The following SRD5A2 variants were observed in gnomAD, a reference collection of about 807,000 sequenced individuals.
SRD5A2 encodes the protein steroid 5 alpha-reductase 2.
SRD5A2 carries 30 observed loss-of-function variants against 27.4 expected under a neutral mutation model. That is an observed-to-expected ratio of 1.10 (90% CI 0.82 to 1.49). The LOEUF (loss-of-function observed/expected upper bound fraction) is 1.49. Ranked by LOEUF, SRD5A2 falls within the 40% of genes most tolerant of loss-of-function variation. The probability of loss-of-function intolerance (pLI) is 0.00; values close to 1 mark genes in which losing one functional copy is unlikely to be tolerated. For missense variants in SRD5A2, 348 were observed against 323.4 expected (o/e 1.08, Z -0.58); for synonymous variants, 141 against 133.6 (o/e 1.06, Z -0.38).
chr2:31,662,440 T>C, the SRD5A2 span, among the ~76,000 whole-genome samples: 1 of 152,066 alleles, frequency 6.6e-6, no homozygotes, highest in Non-Finnish European at 1.5e-5. Context: ...CACCTCAGCT[T>C]CCTGACTAGC....
At chr2:31,642,657 C>T in the SRD5A2 span, among the ~76,000 whole-genome samples, 3 of 152,036 alleles carry the variant, frequency 2.0e-5, no homozygotes, top group Admixed American at 6.5e-5. Flanking sequence ...AACAATTCAA[C>T]GCCAAGGTAT....
chr2:31,575,687 C>T (rs143948830), intron 1 of SRD5A2, among the ~76,000 whole-genome samples: 24 of 152,250 alleles, frequency 1.6e-4, no homozygotes, highest in Non-Finnish European at 2.6e-4. Flanking sequence ...AATATCTCTC[C>T]GAATTCAAAC....
At chr2:31,615,073 C>A in the SRD5A2 span, among the ~76,000 whole-genome samples, 140 of 152,162 alleles carry the variant, frequency 9.2e-4, 1 homozygote, top group African/African-American at 3.3e-3. Context: ...TCCCCAGCCA[C>A]GTGGAACTGT....
the SRD5A2 span, among the ~76,000 whole-genome samples, chr2:31,605,118 G>C: frequency 1.3e-5 from 2 of 151,696 alleles, no homozygotes; most frequent in South Asian, 2.1e-4. Context: ...AATAAAACTA[G>C]ATCCCTATCT....
chr2:31,560,630 C>A (rs756815772), intron 1 of SRD5A2, among the ~76,000 whole-genome samples: 2 of 152,156 alleles, frequency 1.3e-5, no homozygotes, highest in Non-Finnish European at 2.9e-5. Flanking sequence ...CTTCCTTTCT[C>A]CTTTCCCAGC....
chr2:31,543,707 T>A (rs1666185624), intron 1 of SRD5A2, among the ~76,000 whole-genome samples: 1 of 152,120 alleles, frequency 6.6e-6, no homozygotes, highest in African/African-American at 2.4e-5. Context: ...ATGTTATAAA[T>A]TTAGGATGTT....
the SRD5A2 span, among the ~76,000 whole-genome samples, chr2:31,598,725 C>T: frequency 6.6e-6 from 1 of 151,412 alleles, no homozygotes; most frequent in Non-Finnish European, 1.5e-5. Context: ...GAAAATGATC[C>T]TTACTAAAGG....
chr2:31,561,838 A>G (rs1666630529), intron 1 of SRD5A2, among the ~76,000 whole-genome samples: 1 of 152,172 alleles, frequency 6.6e-6, no homozygotes, highest in African/African-American at 2.4e-5. Flanking sequence ...ATCAAAGAGA[A>G]TCAGATCAAC....
At chr2:31,661,470 G>A in the SRD5A2 span, among the ~76,000 whole-genome samples, 1 of 152,262 alleles carries the variant, frequency 6.6e-6, no homozygotes, top group Non-Finnish European at 1.5e-5. Flanking sequence ...TACACAAGGA[G>A]ACACTCTATC....
the SRD5A2 span, among the ~76,000 whole-genome samples, chr2:31,654,119 A>T: frequency 6.6e-6 from 1 of 152,168 alleles, no homozygotes; most frequent in Admixed American, 6.5e-5. Flanking sequence ...CATAGTTCAT[A>T]ATGTGCCAGC....
At chr2:31,649,313 T>C in the SRD5A2 span, among the ~76,000 whole-genome samples, 3 of 152,176 alleles carry the variant, frequency 2.0e-5, no homozygotes, top group East Asian at 1.9e-4. Flanking sequence ...CCTTATTGAT[T>C]ATATTCCTGT....
At chr2:31,536,091 G>T (rs144942987) in intron 1 of SRD5A2, among the ~76,000 whole-genome samples, 1 of 152,176 alleles carries the variant, frequency 6.6e-6, no homozygotes, top group Non-Finnish European at 1.5e-5. Flanking sequence ...ACTGATACAG[G>T]ATTGTTGCTA....
Position 31,533,615 on chromosome 2 carries a change from G to T in SRD5A2, c.433C>A (p.Arg145=), listed in dbSNP as rs759561106. 5.8e-6 allele frequency: 9 copies of T among 1,552,030 alleles called. No homozygotes were observed. The highest frequency in any genetic ancestry group is 4.8e-5 in the South Asian group (4 of 84,042). The change falls in exon 2 of 5, where the codon CGG becomes AGG. Residue 145 remains arginine (R), a synonymous_variant. Transcript: ENST00000622030. ...EYPDGWYTDI[R]FSLGVFLFIL... Reference sequence around the variant, plus strand: ...CAGATTCACTTACCCAAGCTAAACCGTATGTCTGTGTACCACCCATCAGGG... The same window carrying T: ...CAGATTCACTTACCCAAGCTAAACCTTATGTCTGTGTACCACCCATCAGGG...
intron 1 of SRD5A2, among the ~76,000 whole-genome samples, chr2:31,567,193 T>C (rs1238138096): frequency 6.6e-6 from 1 of 152,136 alleles, no homozygotes; most frequent in East Asian, 1.9e-4. Context: ...ATTTCTTCCT[T>C]TTGGATTATT....
rs1039685404 is a variant in SRD5A2 at position 31,522,893 on chromosome 2, G to A, written c.*3303C>T. The A allele has an allele frequency of 8.9e-6, 2 of 223,702 alleles. No individual in the cohort carries two copies. The highest frequency in any genetic ancestry group is 2.2e-5 in the African/African-American group (1 of 44,770). 13.9% of individuals were successfully genotyped at this position (223,702 alleles called of 1,614,324 possible). On this transcript the variant is annotated 3_prime_UTR_variant, in exon 5 of 5. Coordinates refer to ENST00000622030, the MANE Select transcript of SRD5A2 (RefSeq NM_000348.4). ...ATGAGCCTATTCCTTCATGTGCCAA[G>A]AGCTTGCTCCCCTGCTTCTTAGTGA...
upstream of SRD5A2, chr2:31,581,097 C>T: frequency 1.6e-6 from 1 of 607,948 alleles, no homozygotes; most frequent in Non-Finnish European, 2.8e-6. Flanking sequence ...GATGCAGCCG[C>T]GGTGGCCGGA....
the SRD5A2 span, among the ~76,000 whole-genome samples, chr2:31,630,299 GAGAGAGAGAGAC>G: frequency 6.6e-6 from 1 of 151,886 alleles, no homozygotes; most frequent in Non-Finnish European, 1.5e-5. Flanking sequence ...GGAAGATACA[GAGAGAGAGAGAC>G]AGAGAGAGAG....
At chr2:31,616,839 C>G in the SRD5A2 span, among the ~76,000 whole-genome samples, 1 of 152,068 alleles carries the variant, frequency 6.6e-6, no homozygotes, top group East Asian at 1.9e-4. Context: ...TAGGAGGGGC[C>G]AGATACAAAA....
chr2:31,627,557 G>A, the SRD5A2 span, among the ~76,000 whole-genome samples: 3 of 151,974 alleles, frequency 2.0e-5, no homozygotes, highest in African/African-American at 7.2e-5. Context: ...TAGTTGTGAT[G>A]TTGGTTTGTT....
Sources: allele counts gnomAD v4.1 joint callset (sites outside exome capture counted in the v4.1 genomes callset), GRCh38; gene constraint gnomAD v4.1.1; transcripts MANE v1.5; gene names NCBI Gene and HGNC (gene_info 2026-07-23, HGNC 2026-07-21).